The following TENT2 variants were observed in gnomAD, a reference collection of about 807,000 sequenced individuals.
The protein encoded by TENT2 is poly(A) RNA polymerase GLD2.
TENT2 carries 44 observed loss-of-function variants against 72.2 expected under a neutral mutation model. The observed-to-expected ratio is 0.61, with a 90% CI of 0.48 to 0.78. TENT2 has a LOEUF of 0.78. Among genes scored for constraint, TENT2 ranks in the 30% least tolerant of loss-of-function variants. The pLI is 0.00. For synonymous variants in TENT2, 212 were observed against 192.5 expected (o/e 1.10, Z -0.84); for missense variants, 541 against 569.6 (o/e 0.95, Z 0.51).
intron 4 of TENT2, among the ~76,000 whole-genome samples, chr5:79,625,905 C>T (rs1769266072): frequency 6.6e-6 from 1 of 151,020 alleles, no homozygotes; most frequent in Admixed American, 6.6e-5. Context: ...TCTCGGCTCA[C>T]TGAACCTCCA....
chr5:79,662,935 A>G (rs1804220228), intron 11 of TENT2, among the ~76,000 whole-genome samples: 1 of 152,162 alleles, frequency 6.6e-6, no homozygotes. Context: ...TTACACTGAA[A>G]AATCTGCTAT....
rs1279893985 is a variant in TENT2, at chr5:79,688,019, C to G, written c.*2746C>G. On this transcript the variant is annotated 3_prime_UTR_variant, in exon 15 of 15. Transcript: ENST00000453514. Reference sequence around the variant, plus strand: ...AGAATAAATATTGCTGATGCTAAACCTGGTTTAGTGAGCTGTGGAAGCCTT... The same window carrying G: ...AGAATAAATATTGCTGATGCTAAACGTGGTTTAGTGAGCTGTGGAAGCCTT... Among the ~76,000 whole-genome samples, 1 of 152,112 alleles carries G rather than the reference C, an allele frequency of 6.6e-6. No homozygotes were observed. Among genetic ancestry groups the G allele is most frequent in the Non-Finnish European group, 1.5e-5 (1 of 68,024 alleles).
Position 79,640,956 on chromosome 5 carries a change from T to G in TENT2, c.571T>G (p.Leu191Val). 6.2e-7 allele frequency: 1 copy of G among 1,604,178 alleles called. No individual in the cohort carries two copies. The highest frequency in any genetic ancestry group is 8.5e-7 in the Non-Finnish European group (1 of 1,176,188). The change falls in exon 5 of 15, where the codon TTA (leucine) becomes GTA (valine). Residue 191 changes from leucine to valine, a missense_variant. Leu to Val is a conservative substitution (Grantham distance 32). Coordinates refer to ENST00000453514, the MANE Select transcript of TENT2 (RefSeq NM_001114394.3). ...RTQLQREIQL[L>V]FPQSRLFLVG... is the part of the protein sequence containing the mutation. ...ACAGCTGCAGAGAGAAATTCAGCTG[T>G]TATTTCCACGTATGTTTCCCTATTT...
chr5:79,618,071 C>G (rs1761807667), intron 1 of TENT2, among the ~76,000 whole-genome samples: 1 of 152,080 alleles, frequency 6.6e-6, no homozygotes, highest in Admixed American at 6.6e-5. Flanking sequence ...TGTTAGATCA[C>G]ATAGTTTAAT....
intron 10 of TENT2, among the ~76,000 whole-genome samples, chr5:79,651,329 T>C (rs1425864875): frequency 6.6e-6 from 1 of 152,032 alleles, no homozygotes; most frequent in African/African-American, 2.4e-5. Flanking sequence ...AATAATGTTC[T>C]TACATTTTCT....
intron 4 of TENT2, among the ~76,000 whole-genome samples, chr5:79,625,224 T>C (rs550923331): frequency 6.6e-6 from 1 of 152,358 alleles, no homozygotes; most frequent in South Asian, 2.1e-4. Context: ...TTCATCTAGA[T>C]CTCTTGCCCA....
At chr5:79,642,945 T>G in intron 7 of TENT2, 35 bp downstream of exon 7, 1 of 1,598,548 alleles carries the variant, frequency 6.3e-7, no homozygotes, top group Non-Finnish European at 8.5e-7. Flanking sequence ...GTATGTCACC[T>G]GACGTAACTT....
chr5:79,648,898 GTAAC>G (rs1791296711), intron 9 of TENT2, 160 bp from the exon 10 acceptor site: 1 of 890,702 alleles, frequency 1.1e-6, no homozygotes, highest in African/African-American at 1.7e-5. Context: ...TTTTTAAAAG[GTAAC>G]TAAGGTAAGT....
chr5:79,652,574 AAAT>A (rs1320684508), intron 10 of TENT2, among the ~76,000 whole-genome samples: 1 of 150,826 alleles, frequency 6.6e-6, no homozygotes, highest in African/African-American at 2.4e-5. Flanking sequence ...GAGAGAGACA[AAAT>A]AGTTTAAATG....
intron 4 of TENT2, among the ~76,000 whole-genome samples, chr5:79,635,787 C>T (rs1179958261): frequency 6.6e-6 from 1 of 152,190 alleles, no homozygotes; most frequent in Admixed American, 6.5e-5. Flanking sequence ...AACTCCTGAG[C>T]TCCGGCAGTC....
At position 79,633,627 on chromosome 5, in the gene TENT2, G is replaced by T. The variant is rs566051303; in HGVS notation, c.466-7224G>T. On this transcript the variant is annotated intron_variant, in intron 4 of 14. Coordinates refer to ENST00000453514, the MANE Select transcript of TENT2 (RefSeq NM_001114394.3). ...GACGGGGTTTCTCCATGTTGGTCAG[G>T]CTGGTCTCGAACTGCCAACCTCAGG... Among the ~76,000 whole-genome samples, 162 of 151,016 alleles carry T rather than the reference G, an allele frequency of 1.1e-3. 1 individual carries two copies. The highest frequency in any genetic ancestry group is 3.8e-3 in the African/African-American group (157 of 41,176).
At chr5:79,658,497 C>T (rs547601116) in intron 11 of TENT2, among the ~76,000 whole-genome samples, 52 of 152,022 alleles carry the variant, frequency 3.4e-4, no homozygotes, top group African/African-American at 1.2e-3. Flanking sequence ...AGCCTGTTGG[C>T]CTTAATTTTG....
At chr5:79,636,322 A>G (rs1780096225) in intron 4 of TENT2, among the ~76,000 whole-genome samples, 3 of 152,176 alleles carry the variant, frequency 2.0e-5, no homozygotes, top group Admixed American at 2.0e-4. Context: ...ACAATTAACA[A>G]CATATGACTA....
At chr5:79,621,073 T>TA (rs560519921) in intron 3 of TENT2, among the ~76,000 whole-genome samples, 5 of 150,966 alleles carry the variant, frequency 3.3e-5, no homozygotes, top group African/African-American at 9.8e-5. Flanking sequence ...TATGTCCTAT[T>TA]AAAAAAAACA....
intron 4 of TENT2, among the ~76,000 whole-genome samples, chr5:79,634,019 A>AAAAAAAAAAT (rs1777963111): frequency 7.0e-6 from 1 of 142,568 alleles, no homozygotes; most frequent in African/African-American, 2.7e-5. Context: ...AAAAAAAAAA[A>AAAAAAAAAAT]TTAGCTGGAC....
At chr5:79,661,014 A>G (rs1430236655) in intron 11 of TENT2, among the ~76,000 whole-genome samples, 1 of 152,200 alleles carries the variant, frequency 6.6e-6, no homozygotes, top group Non-Finnish European at 1.5e-5. Context: ...AATTTAAAAT[A>G]GAGAAAATCT....
At position 79,682,031 on chromosome 5, in the gene TENT2, A is replaced by G. The variant is rs565757229; in HGVS notation, c.1350A>G (p.Lys450=). The G allele has an allele frequency of 6.2e-7, 1 of 1,613,614 alleles. No homozygotes were observed. Among genetic ancestry groups the G allele is most frequent in the South Asian group, 1.1e-5 (1 of 90,984 alleles). Residue 450 remains lysine, a synonymous_variant, in exon 14 of 15, where the codon AAA becomes AAG. Coordinates refer to ENST00000453514, the MANE Select transcript of TENT2 (RefSeq NM_001114394.3). The stretch of plus-strand genomic sequence containing the variant: ...CCAGAGCAGTGCACGAAAAGCAGAA[A>G]TTTGATATGATCAAGGATCAATTTT... ...NTARAVHEKQ[K]FDMIKDQFLK...
chr5:79,624,847 T>A (rs1053685332), intron 4 of TENT2, among the ~76,000 whole-genome samples: 1 of 152,240 alleles, frequency 6.6e-6, no homozygotes, highest in Non-Finnish European at 1.5e-5. Flanking sequence ...TTGTCTGTTA[T>A]GAATAGTGCA....
At chr5:79,664,956 C>T (rs187818182) in intron 11 of TENT2, among the ~76,000 whole-genome samples, 110 of 152,246 alleles carry the variant, frequency 7.2e-4, no homozygotes, top group African/African-American at 2.6e-3. Flanking sequence ...CTCTTAGTCA[C>T]TTCATTATAG....
Sources: gnomAD v4.1 joint callset for allele counts (sites outside exome capture counted in the v4.1 genomes callset) on GRCh38, gnomAD v4.1.1 for gene constraint, MANE v1.5 for transcripts, NCBI Gene and HGNC (gene_info 2026-07-23, HGNC 2026-07-21) for gene names.